SNX29: variants seen among roughly 807,000 people sequenced by gnomAD.
SNX29 encodes sorting nexin 29, also known as sorting nexin-29.
A neutral mutation model predicts 102.1 loss-of-function variants in SNX29; 78 were observed. That is an observed-to-expected ratio of 0.76 (90% CI 0.64 to 0.92). SNX29 has a LOEUF of 0.92. SNX29 is among the 40% of genes least tolerant of loss of function. The pLI, the probability that SNX29 is intolerant of heterozygous loss-of-function variation, is 0.00. For synonymous variants in SNX29, 580 were observed against 414.5 expected (o/e 1.40, Z -4.85); for missense variants, 1,280 against 1,061.7 (o/e 1.21, Z -2.86).
intron 11 of SNX29, among the ~76,000 whole-genome samples, chr16:12,104,281 T>G (rs926155536): frequency 6.6e-6 from 1 of 152,054 alleles, no homozygotes; most frequent in Non-Finnish European, 1.5e-5. Context: ...TGTGTCCAGG[T>G]GTGGTGGCTC....
chr16:12,091,059 C>T (rs1447181325), intron 11 of SNX29, among the ~76,000 whole-genome samples: 8 of 144,208 alleles, frequency 5.5e-5, no homozygotes, highest in South Asian at 2.2e-4. Context: ...GAAAAAAGAG[C>T]GCCTGGAAAA....
chr16:12,279,779 G>T (rs573408496), intron 15 of SNX29, among the ~76,000 whole-genome samples: 206 of 152,344 alleles, frequency 1.4e-3, no homozygotes, highest in Non-Finnish European at 2.6e-3. Flanking sequence ...CTCCTGGGAT[G>T]GGGATGTCTG....
chr16:12,275,881 G>GTTTTTTTTTT (rs34099498), intron 14 of SNX29, among the ~76,000 whole-genome samples: 1 of 104,132 alleles, frequency 9.6e-6, no homozygotes, highest in Non-Finnish European at 1.9e-5. Flanking sequence ...CATTTTAATT[G>GTTTTTTTTTT]TTTTTTTTTT....
At chr16:12,530,713 G>T (rs1393842085) in intron 20 of SNX29, among the ~76,000 whole-genome samples, 2 of 152,064 alleles carry the variant, frequency 1.3e-5, no homozygotes, top group Non-Finnish European at 2.9e-5. Context: ...CCGCTACCAT[G>T]CCCAGCTAAT....
chr16:12,354,453 G>A (rs949430535), intron 15 of SNX29, among the ~76,000 whole-genome samples: 10 of 152,180 alleles, frequency 6.6e-5, no homozygotes, highest in African/African-American at 2.4e-4. Flanking sequence ...ACTTGGATCT[G>A]GGACGTTTCG....
intron 14 of SNX29, among the ~76,000 whole-genome samples, chr16:12,222,687 G>C (rs556257791): frequency 6.6e-6 from 1 of 152,280 alleles, no homozygotes; most frequent in Admixed American, 6.5e-5. Flanking sequence ...TTCTGCCTCA[G>C]CCTCTTGGGT....
chr16:12,342,125 G>A (rs1219491370), intron 15 of SNX29, among the ~76,000 whole-genome samples: 2 of 152,168 alleles, frequency 1.3e-5, no homozygotes, highest in Non-Finnish European at 2.9e-5. Flanking sequence ...CCACTCTGTT[G>A]GGGGTGGCCT....
chr16:12,051,331 T>C (rs565740489), intron 7 of SNX29, among the ~76,000 whole-genome samples: 1 of 81,712 alleles, frequency 1.2e-5, no homozygotes, highest in South Asian at 2.9e-4. Flanking sequence ...GCCCCAACTC[T>C]TAAAAAAAAA....
In SNX29 at chr16:12,154,446, A is replaced by G. The variant is rs2141611266; in HGVS notation, c.1595+24688A>G. On this transcript the variant is annotated intron_variant, in intron 13 of 20. Transcript: ENST00000566228. ...ATTCTGGCAGGCTTTTCTACCTGTC[A>G]CAGCACTGGCTGTGGTTCCTAATTA... is the stretch of plus-strand genomic sequence containing the variant. Among the ~76,000 whole-genome samples the G allele has an allele frequency of 3.3e-5, 5 of 152,200 alleles. No homozygotes were observed. The Middle Eastern group carries it at 0.014, about 414-fold the overall frequency.
chr16:12,202,095 C>T (rs966611579), intron 14 of SNX29, among the ~76,000 whole-genome samples: 9 of 152,102 alleles, frequency 5.9e-5, no homozygotes, highest in East Asian at 1.9e-4. Context: ...GTACGTACGG[C>T]GACTCCACCT....
At chr16:12,535,749 C>A (rs1440160771) in intron 20 of SNX29, among the ~76,000 whole-genome samples, 1 of 152,202 alleles carries the variant, frequency 6.6e-6, no homozygotes, top group Non-Finnish European at 1.5e-5. Flanking sequence ...CGCTCGTCTT[C>A]CACCACTGTG....
chr16:12,358,599 C>T (rs9939036), intron 16 of SNX29, among the ~76,000 whole-genome samples: 1 of 151,908 alleles, frequency 6.6e-6, no homozygotes, highest in Admixed American at 6.6e-5. Flanking sequence ...AAATTGACCC[C>T]TATTGTCTGA....
chr16:12,003,250 C>T lies in SNX29; in HGVS notation c.122+207C>T, dbSNP rs530894484. Among the ~76,000 whole-genome samples the T allele has an allele frequency of 1.3e-4, 20 of 152,290 alleles. 1 individual carries two copies. The South Asian group carries it at 1.9e-3, about 14-fold the overall frequency. On this transcript the variant is annotated intron_variant, in intron 3 of 20. Coordinates refer to ENST00000566228, the MANE Select transcript of SNX29 (RefSeq NM_032167.5). ...CGGTGACTGCTCATCTCCAACACTC[C>T]ACATTTTCCATAATTCTCTTTCTAG...
intron 11 of SNX29, among the ~76,000 whole-genome samples, chr16:12,108,714 C>T (rs977328317): frequency 2.0e-5 from 3 of 152,110 alleles, no homozygotes; most frequent in African/African-American, 7.2e-5. Context: ...TGGTGGTGGC[C>T]AGTGCAAGGG....
At chr16:12,349,395 A>G (rs2081929347) in intron 15 of SNX29, among the ~76,000 whole-genome samples, 1 of 152,188 alleles carries the variant, frequency 6.6e-6, no homozygotes, top group Admixed American at 6.5e-5. Flanking sequence ...TTCAATGAAC[A>G]TTTCTAGTTT....
At chr16:12,502,600 C>G (rs1415420701) in intron 19 of SNX29, among the ~76,000 whole-genome samples, 2 of 152,214 alleles carry the variant, frequency 1.3e-5, no homozygotes, top group South Asian at 2.1e-4. Flanking sequence ...GTGGCCTGCT[C>G]TAGGGCTCAG....
At chr16:12,218,999 C>A (rs1397946416) in intron 14 of SNX29, among the ~76,000 whole-genome samples, 1 of 152,162 alleles carries the variant, frequency 6.6e-6, no homozygotes, top group African/African-American at 2.4e-5. Context: ...TGGTCTCGAT[C>A]TCCTGACCTT....
At chr16:12,205,132 A>T (rs1475334959) in intron 14 of SNX29, among the ~76,000 whole-genome samples, 1 of 152,190 alleles carries the variant, frequency 6.6e-6, no homozygotes, top group Non-Finnish European at 1.5e-5. Context: ...TGATTCCTAG[A>T]GCCCACAGTG....
chr16:12,336,479 A>G (rs1417172997), intron 15 of SNX29, among the ~76,000 whole-genome samples: 1 of 152,228 alleles, frequency 6.6e-6, no homozygotes, highest in Non-Finnish European at 1.5e-5. Context: ...AGTCATGCCC[A>G]TAGCTTAAAA....
Sources: gnomAD v4.1 joint callset for allele counts (sites outside exome capture counted in the v4.1 genomes callset) on GRCh38, gnomAD v4.1.1 for gene constraint, MANE v1.5 for transcripts, NCBI Gene and HGNC (gene_info 2026-07-23, HGNC 2026-07-21) for gene names.